Variants in STRIP2 observed in about 807,000 individuals in gnomAD.
STRIP2 encodes striatin interacting protein 2.
Under a neutral mutation model 107.1 loss-of-function variants are expected in STRIP2, and 84 were observed. The ratio of observed to expected loss-of-function variants is 0.78; its 90% CI spans 0.66 to 0.94. The LOEUF (loss-of-function observed/expected upper bound fraction) is 0.94, where lower values mean the gene tolerates loss of function less well. Ranked by LOEUF, STRIP2 falls within the 40% of genes least tolerant of loss-of-function variation. The probability of loss-of-function intolerance (pLI) is 0.00; values close to 1 mark genes in which losing one functional copy is unlikely to be tolerated. For missense variants in STRIP2, 888 were observed against 1,034.2 expected (o/e 0.86, Z 1.94); for synonymous variants, 394 against 400.4 (o/e 0.98, Z 0.19).
In STRIP2 at chr7:129,486,674, G is replaced by C. The variant is rs1450936887; in HGVS notation, c.*845G>C. 1 of 143,702 alleles carries C rather than the reference G, an allele frequency of 7.0e-6. No homozygotes were observed. The highest frequency in any genetic ancestry group is 2.4e-5 in the African/African-American group (1 of 41,180). The allele number at this position is 143,702 out of a possible 1,614,324, so 8.9% of individuals were successfully genotyped here. A position where few individuals can be genotyped will look rare whatever the true frequency, so the allele number is the denominator to read the frequency against. On this transcript the variant is annotated 3_prime_UTR_variant, in exon 21 of 21. Transcript: ENST00000249344. ...TTAAATGACAAGTTAACTACAGGAG[G>C]CTTTATTTATTCAGATGGTATGTCC...
chr7:129,435,772 TATCATC>T (rs371261391), intron 1 of STRIP2, among the ~76,000 whole-genome samples: 47 of 152,144 alleles, frequency 3.1e-4, no homozygotes, highest in African/African-American at 9.6e-4. Flanking sequence ...AGTATATTGC[TATCATC>T]ATCATCATCA....
In STRIP2 at chr7:129,475,574, A is replaced by AT. The variant is rs1272392374; in HGVS notation, c.1944+4868dup. Among the ~76,000 whole-genome samples the AT allele has an allele frequency of 9.7e-3, 411 of 42,458 alleles. 3 individuals carry two copies. The highest frequency in any genetic ancestry group is 0.03 in the African/African-American group (391 of 12,918). The allele number at this position is 42,458 out of a possible 152,430, so 27.9% of individuals were successfully genotyped here. A position where few individuals can be genotyped will look rare whatever the true frequency, so the allele number is the denominator to read the frequency against. On this transcript the variant is annotated intron_variant, in intron 18 of 20. Coordinates refer to ENST00000249344, the MANE Select transcript of STRIP2 (RefSeq NM_020704.3). The stretch of plus-strand genomic sequence containing the variant: ...TTTTCTTTTTTTTTTTTTTCTTTTT[A>AT]TTTTTTTTTATTGATCATTCTTGGG...
intron 19 of STRIP2, 32 bp from the exon 20 acceptor site, chr7:129,482,810 G>C: frequency 5.0e-6 from 8 of 1,609,572 alleles, no homozygotes; most frequent in Non-Finnish European, 6.8e-6. Context: ...AGAAACGTTA[G>C]ATCTTTACCC....
chr7:129,458,908 C>A lies in STRIP2; in HGVS notation c.1340+131C>A. ...AGAGCCCCTAGGCCATGGACAACTC[C>A]CAGTGACTACTTTGGGTTCTTTCTA... On this transcript the variant is annotated intron_variant, in intron 11 of 20. Transcript: ENST00000249344. The surrounding 1 kb of genome is among the most constrained non-coding windows in gnomAD (Gnocchi z 4.6). 1.3e-6 allele frequency: 1 copy of A among 743,908 alleles called. No individual in the cohort carries two copies. Among genetic ancestry groups the A allele is most frequent in the Non-Finnish European group, 2.3e-6 (1 of 440,700 alleles). 46.1% of individuals were successfully genotyped at this position (743,908 alleles called of 1,614,324 possible).
At chr7:129,480,963 G>GTGC in intron 19 of STRIP2, 74 bp downstream of exon 19, 1 of 1,155,704 alleles carries the variant, frequency 8.7e-7, no homozygotes, top group East Asian at 2.4e-5. Flanking sequence ...AAATATTTGT[G>GTGC]TGCTACCTGG....
At position 129,458,140 on chromosome 7, in the gene STRIP2, G is replaced by C. The variant is rs985484862; in HGVS notation, c.1039-75G>C. ...GTTCCCTGAAATGTGGAGGCCTGTG[G>C]ATATGGGGTGGCCTCAGACAAGGAT... On this transcript the variant is annotated intron_variant, in intron 9 of 20. Transcript: ENST00000249344. This position sits in a 1 kb window ranked among gnomAD's most constrained non-coding sequence, Gnocchi z 4.6. 1.8e-6 allele frequency: 2 copies of C among 1,096,910 alleles called. No individual in the cohort carries two copies. The highest frequency in any genetic ancestry group is 1.5e-5 in the African/African-American group (1 of 64,942). The allele number at this position is 1,096,910 out of a possible 1,614,324, so 67.9% of individuals were successfully genotyped here. A position where few individuals can be genotyped will look rare whatever the true frequency, so the allele number is the denominator to read the frequency against.
At chr7:129,439,536 A>G (rs758508166) in intron 1 of STRIP2, among the ~76,000 whole-genome samples, 2 of 152,178 alleles carry the variant, frequency 1.3e-5, no homozygotes, top group African/African-American at 2.4e-5. Context: ...TCATTTGACA[A>G]TCCTAAAGTT....
intron 18 of STRIP2, among the ~76,000 whole-genome samples, chr7:129,474,961 A>G (rs1414185459): frequency 6.6e-6 from 1 of 152,240 alleles, no homozygotes; most frequent in Non-Finnish European, 1.5e-5. Flanking sequence ...TGTCAAACTA[A>G]TTAGCTCTTA....
chr7:129,456,309 C>A (rs1348571356), intron 8 of STRIP2, 130 bp from the exon 9 acceptor site: 4 of 738,954 alleles, frequency 5.4e-6, no homozygotes, highest in African/African-American at 5.3e-5. Flanking sequence ...TTACTACCTC[C>A]TTATTAAGGA....
At chr7:129,446,798 G>A (rs533815714) in intron 3 of STRIP2, among the ~76,000 whole-genome samples, 14 of 152,134 alleles carry the variant, frequency 9.2e-5, no homozygotes, top group Non-Finnish European at 1.8e-4. Context: ...GCCCGATCAC[G>A]TATATACCAC....
rs959066394 is a variant in STRIP2, at chr7:129,459,447, G to T, written c.1341-70G>T. On this transcript the variant is annotated intron_variant, in intron 11 of 20. Transcript: ENST00000249344. ...AAGTAGCATGGTCTGTTGACTCTAG[G>T]GGGGTATTGGGGTATCAGTAGTTCT... 7.6e-6 allele frequency: 10 copies of T among 1,311,190 alleles called. No homozygotes were observed. The East Asian group carries it at 1.4e-4, about 18-fold the overall frequency. 81.2% of individuals were successfully genotyped at this position (1,311,190 alleles called of 1,614,324 possible).
chr7:129,467,481 G>T (rs768869591), intron 17 of STRIP2, 31 bp downstream of exon 17: 2 of 1,532,410 alleles, frequency 1.3e-6, no homozygotes, highest in South Asian at 1.1e-5. Flanking sequence ...TATTTCAAGG[G>T]GCTATTTTGG....
intron 18 of STRIP2, among the ~76,000 whole-genome samples, chr7:129,478,957 T>C (rs1392730560): frequency 6.6e-6 from 1 of 152,134 alleles, no homozygotes; most frequent in Non-Finnish European, 1.5e-5. Context: ...CCCATATGTT[T>C]TGTGTTTCCC....
intron 18 of STRIP2, among the ~76,000 whole-genome samples, chr7:129,471,635 T>G (rs1339801457): frequency 6.6e-6 from 1 of 152,226 alleles, no homozygotes; most frequent in Non-Finnish European, 1.5e-5. Flanking sequence ...GGTACAGGTT[T>G]TATAGAACCA....
chr7:129,484,461 G>T (rs960417142), intron 20 of STRIP2: 4 of 152,120 alleles, frequency 2.6e-5, no homozygotes, highest in Non-Finnish European at 4.4e-5. Flanking sequence ...TAACCTGCTT[G>T]AATTTTAAAG....
At chr7:129,482,813 C>A (rs778407573) in intron 19 of STRIP2, 29 bp from the exon 20 acceptor site, 16 of 1,610,544 alleles carry the variant, frequency 9.9e-6, no homozygotes, top group Non-Finnish European at 1.4e-5. Flanking sequence ...AACGTTAGAT[C>A]TTTACCCCAC....
Position 129,463,020 on chromosome 7 carries a change from T to C in STRIP2, c.1531T>C (p.Tyr511His), listed in dbSNP as rs757119206. The stretch of plus-strand genomic sequence containing the variant: ...TGAAATCCTCTACCAGGGAATGCTG[T>C]ACAGCCTTCCGCAGTATATGGTAAG... The part of the protein sequence containing the change: ...PCEILYQGML[Y>H]SLPQYMIALL... The change falls in exon 14 of 21, where the codon TAC becomes CAC. Residue 511 changes from tyrosine to histidine, a missense_variant. By Grantham distance (83) the Tyr-to-His change is moderately conservative. Coordinates refer to ENST00000249344, the MANE Select transcript of STRIP2 (RefSeq NM_020704.3). 1.9e-6 allele frequency: 3 copies of C among 1,614,034 alleles called. No individual in the cohort carries two copies. Among genetic ancestry groups the C allele is most frequent in the Non-Finnish European group, 2.5e-6 (3 of 1,179,900 alleles).
chr7:129,482,377 A>ATT (rs869099836), intron 19 of STRIP2, among the ~76,000 whole-genome samples: 1,355 of 68,902 alleles, frequency 0.02, 55 homozygotes, highest in Middle Eastern at 0.028. Flanking sequence ...ATATATATAT[A>ATT]TTTTTTTTTT....
intron 3 of STRIP2, among the ~76,000 whole-genome samples, chr7:129,451,023 G>A (rs1425025854): frequency 8.5e-5 from 11 of 129,610 alleles, no homozygotes; most frequent in African/African-American, 2.7e-4. Context: ...TGCAAGCTCC[G>A]CCTCCCGGGT....
Sources: gnomAD v4.1 joint callset for allele counts (sites outside exome capture counted in the v4.1 genomes callset) on GRCh38, gnomAD v4.1.1 for gene constraint, Gnocchi (gnomAD v3.1) non-coding constraint, MANE v1.5 for transcripts, NCBI Gene and HGNC (gene_info 2026-07-23, HGNC 2026-07-21) for gene names.